MIB1: variants seen among roughly 807,000 people sequenced by gnomAD.
The protein encoded by MIB1 is MIB E3 ubiquitin protein ligase 1.
MIB1 carries 278 observed loss-of-function variants against 124.5 expected under a neutral mutation model. The observed-to-expected ratio is 2.23, with a 90% CI of 2.02 to 2.47. The LOEUF is 2.47. Among genes scored for constraint, MIB1 ranks in the 30% most tolerant of loss-of-function variants. The pLI is 0.00. For synonymous variants in MIB1, 446 were observed against 429.4 expected (o/e 1.04, Z -0.48); for missense variants, 957 against 1,254.4 (o/e 0.76, Z 3.58).
At chr18:21,781,561 G>A (rs546450729) in intron 6 of MIB1, among the ~76,000 whole-genome samples, 8 of 151,254 alleles carry the variant, frequency 5.3e-5, no homozygotes, top group Non-Finnish European at 1.0e-4. Flanking sequence ...TTATGGGCAT[G>A]TGCCACCACA....
chr18:21,763,244 T>C (rs1438609681), intron 1 of MIB1, among the ~76,000 whole-genome samples: 1 of 152,184 alleles, frequency 6.6e-6, no homozygotes, highest in Non-Finnish European at 1.5e-5. Flanking sequence ...TACAAGTAAA[T>C]TCTTAAATCA....
chr18:21,761,165 T>C (rs1458985076), intron 1 of MIB1, among the ~76,000 whole-genome samples: 3 of 151,822 alleles, frequency 2.0e-5, no homozygotes, highest in Non-Finnish European at 2.9e-5. Flanking sequence ...TTATTGCTTC[T>C]AACACAAATA....
intron 18 of MIB1, chr18:21,854,762 T>C: frequency 6.1e-6 from 1 of 163,540 alleles, no homozygotes; most frequent in South Asian, 1.7e-4. Flanking sequence ...GGAAACACCA[T>C]TGGTCGTGCT....
rs780021227 is a variant in MIB1 at position 21,741,812 on chromosome 18, G to C, written c.229G>C (p.Gly77Arg). ...CCGCATCCTGGACAGCGCGCCCACCGGTAAGCCGCGGCCACCTGGCCAGGG... is the reference window on the plus strand; with the variant it reads ...CCGCATCCTGGACAGCGCGCCCACCCGTAAGCCGCGGCCACCTGGCCAGGG... ...DLRILDSAPT[G>R]IKHDGTMCDT... The change falls in exon 1 of 21, where the codon GGC (glycine) becomes CGC (arginine). Residue 77 changes from glycine to arginine, a missense_variant and splice_region_variant. Transcript: ENST00000261537. This position sits in a 1 kb window ranked among gnomAD's most constrained non-coding sequence, Gnocchi z 5.4. 6.3e-7 allele frequency: 1 copy of C among 1,592,354 alleles called. No individual in the cohort carries two copies. The highest frequency in any genetic ancestry group is 8.5e-7 in the Non-Finnish European group (1 of 1,170,452).
At chr18:21,774,005 A>G (rs1452650344) in intron 4 of MIB1, among the ~76,000 whole-genome samples, 1 of 152,210 alleles carries the variant, frequency 6.6e-6, no homozygotes, top group Non-Finnish European at 1.5e-5. Context: ...AATCATCTGT[A>G]AGACCATTCC....
At position 21,819,676 on chromosome 18, in the gene MIB1, A is replaced by G. The variant is rs2041862561; in HGVS notation, c.1829+30A>G. On this transcript the variant is annotated intron_variant, in intron 12 of 20. Coordinates refer to ENST00000261537, the MANE Select transcript of MIB1 (RefSeq NM_020774.4). ...GTCACCCCTTACTATTTTAGGTGCA[A>G]TTCAAAAATATTTTCCTACTGTTGA... 3 of 1,407,818 alleles carry G rather than the reference A, an allele frequency of 2.1e-6. No individual in the cohort carries two copies. In the African/African-American group the frequency reaches 4.3e-5, roughly 20 times the overall value. 87.2% of individuals were successfully genotyped at this position (1,407,818 alleles called of 1,614,324 possible). A position where few individuals can be genotyped will look rare whatever the true frequency, so the allele number is the denominator to read the frequency against.
At chr18:21,737,177 G>A (rs771216546), upstream of MIB1, among the ~76,000 whole-genome samples, 31 of 152,156 alleles carry the variant, frequency 2.0e-4, no homozygotes, top group Admixed American at 5.9e-4. Context: ...GACTAACAGC[G>A]GATCTCTCGG....
In MIB1 at chr18:21,865,309, G is replaced by A. The variant is rs1456940508; in HGVS notation, c.*643G>A. 6.6e-6 allele frequency: 1 copy of A among 151,950 alleles called. No homozygotes were observed. Among genetic ancestry groups the A allele is most frequent in the Non-Finnish European group, 1.5e-5 (1 of 67,968 alleles). The allele number at this position is 151,950 out of a possible 1,614,324, so 9.4% of individuals were successfully genotyped here. On this transcript the variant is annotated 3_prime_UTR_variant, in exon 21 of 21. Transcript: ENST00000261537. ...GTTTTCTAGATTCAAAAGGAACATT[G>A]TTTAACTTGAATCAGATTACCAGTT...
intron 10 of MIB1, among the ~76,000 whole-genome samples, chr18:21,809,327 C>G (rs2041744187): frequency 1.3e-5 from 2 of 151,934 alleles, no homozygotes; most frequent in Admixed American, 1.3e-4. Flanking sequence ...GGATTTCTGC[C>G]AAACATTTAA....
At chr18:21,823,866 AGTATATAG>A (rs1454294880) in intron 12 of MIB1, among the ~76,000 whole-genome samples, 1 of 152,132 alleles carries the variant, frequency 6.6e-6, no homozygotes, top group Non-Finnish European at 1.5e-5. Flanking sequence ...ATCATCTCTT[AGTATATAG>A]GTAAAATTTT....
intron 12 of MIB1, among the ~76,000 whole-genome samples, chr18:21,831,771 T>G (rs1446372493): frequency 2.0e-5 from 3 of 152,088 alleles, no homozygotes; most frequent in Non-Finnish European, 2.9e-5. Flanking sequence ...GCACTGTCAC[T>G]ATACTTAGAA....
chr18:21,817,484 G>A (rs1199608432), intron 11 of MIB1: 1 of 180,034 alleles, frequency 5.6e-6, no homozygotes, highest in African/African-American at 2.4e-5. Context: ...TTTCTATATT[G>A]GGCACAGATA....
intron 12 of MIB1, chr18:21,827,120 G>GAT (rs2041932446): frequency 2.0e-5 from 3 of 152,092 alleles, no homozygotes; most frequent in Admixed American, 1.3e-4. Context: ...TACAGCATTT[G>GAT]ATAATGTCAG....
intron 1 of MIB1, among the ~76,000 whole-genome samples, chr18:21,755,897 A>ATT (rs905569410): frequency 3.6e-4 from 55 of 152,192 alleles, no homozygotes; most frequent in African/African-American, 1.3e-3. Context: ...CTTGATGATA[A>ATT]TTTTATTCCT....
At chr18:21,835,368 G>A (rs2146496215) in intron 12 of MIB1, among the ~76,000 whole-genome samples, 1 of 152,224 alleles carries the variant, frequency 6.6e-6, no homozygotes, top group East Asian at 1.9e-4. Context: ...GAAACGGCAG[G>A]ACAAATTGAA....
At chr18:21,788,422 T>G (rs2041461929) in intron 6 of MIB1, among the ~76,000 whole-genome samples, 1 of 152,174 alleles carries the variant, frequency 6.6e-6, no homozygotes, top group Non-Finnish European at 1.5e-5. Flanking sequence ...CCAACACCCT[T>G]TCGTGATAAA....
intron 12 of MIB1, chr18:21,829,257 A>G (rs1274168503): frequency 3.0e-6 from 1 of 330,116 alleles, no homozygotes; most frequent in Non-Finnish European, 5.8e-6. Flanking sequence ...ATGGTTCCAT[A>G]TTCTTGGTGG....
At position 21,730,120 on chromosome 18, in the gene MIB1, G is replaced by C. The variant is rs566179628; in HGVS notation, n.167+24997G>C. Among the ~76,000 whole-genome samples, 3 of 152,286 alleles carry C rather than the reference G, an allele frequency of 2.0e-5. No homozygotes were observed. The South Asian group carries it at 6.2e-4, about 32-fold the overall frequency. ...TTCATTCTTCAATCTATTTATTGTA[G>C]TCTGATTTGTGCCACCATGAAGCTT... On this transcript the variant is annotated intron_variant and non_coding_transcript_variant, in intron 1 of 20. Transcript: ENST00000578646.
At chr18:21,764,442 A>G (rs2041132751) in intron 1 of MIB1, among the ~76,000 whole-genome samples, 1 of 152,198 alleles carries the variant, frequency 6.6e-6, no homozygotes. Context: ...TATATTAGTA[A>G]TATGACCACT....
Sources: allele counts gnomAD v4.1 joint callset (sites outside exome capture counted in the v4.1 genomes callset), GRCh38; gene constraint gnomAD v4.1.1; non-coding constraint Gnocchi (gnomAD v3.1); transcripts MANE v1.5; gene names NCBI Gene and HGNC (gene_info 2026-07-23, HGNC 2026-07-21).